B3GAT1: variants seen among roughly 807,000 people sequenced by gnomAD.
The protein encoded by B3GAT1 is beta-1,3-glucuronyltransferase 1.
Under a neutral mutation model 28.4 loss-of-function variants are expected in B3GAT1, and 11 were observed. The observed-to-expected ratio is 0.39, with a 90% CI of 0.24 to 0.64. The LOEUF (loss-of-function observed/expected upper bound fraction) is 0.64, where lower values mean the gene tolerates loss of function less well. Ranked by LOEUF, B3GAT1 falls within the 30% of genes least tolerant of loss-of-function variation. The pLI, the probability that B3GAT1 is intolerant of heterozygous loss-of-function variation, is 0.50. For missense variants in B3GAT1, 375 were observed against 491.0 expected (o/e 0.76, Z 2.23); for synonymous variants, 255 against 223.1 (o/e 1.14, Z -1.27).
rs1454310234 is a variant in B3GAT1, at chr11:134,387,190, ACTCCCACTCCCTCCACTTCCCAC to A, written c.112+335_112+357del. The A allele has an allele frequency of 4.5e-5, 11 of 242,128 alleles. No homozygotes were observed. In the South Asian group the frequency reaches 6.1e-4, roughly 13 times the overall value. The allele number at this position is 242,128 out of a possible 1,614,324, so 15.0% of individuals were successfully genotyped here. A position where few individuals can be genotyped will look rare whatever the true frequency, so the allele number is the denominator to read the frequency against. ...CCTTCCTACCAAAACCACACTAAAG[ACTCCCACTCCCTCCACTTCCCAC>A]CTCCCCCTCCCTTCACTTCCCACCT... is the stretch of plus-strand genomic sequence containing the variant. On this transcript the variant is annotated intron_variant, in intron 2 of 5. Transcript: ENST00000312527.
Position 134,411,310 on chromosome 11 carries a change from C to A in B3GAT1, c.-282+497G>T, listed in dbSNP as rs1263417971. ...AGGGCCCTTTGCCACCCTTGCTACC[C>A]CTGGGTCCCTCAGCGCGCCCCGCAG... is the stretch of plus-strand genomic sequence containing the variant. On this transcript the variant is annotated intron_variant, in intron 1 of 5. Transcript: ENST00000312527. This position sits in a 1 kb window ranked among gnomAD's most constrained non-coding sequence, Gnocchi z 6.0. Among the ~76,000 whole-genome samples the A allele has an allele frequency of 6.6e-6, 1 of 152,152 alleles. No homozygotes were observed. The highest frequency in any genetic ancestry group is 2.4e-5 in the African/African-American group (1 of 41,420).
In B3GAT1 at chr11:134,387,749, G is replaced by C. The variant is rs1944322736; in HGVS notation, c.-90C>G. The stretch of plus-strand genomic sequence containing the variant: ...GGCCACGGGCGGCGGCAGCACAGGG[G>C]AGAAAAGAACAGGCATGGGCCGGGC... On this transcript the variant is annotated 5_prime_UTR_variant, in exon 2 of 6. Transcript: ENST00000312527. The C allele has an allele frequency of 6.3e-7, 1 of 1,576,324 alleles. No homozygotes were observed. The highest frequency in any genetic ancestry group is 1.8e-5 in the Admixed American group (1 of 54,072).
At chr11:134,397,104 C>G (rs577089613) in intron 1 of B3GAT1, among the ~76,000 whole-genome samples, 1 of 152,314 alleles carries the variant, frequency 6.6e-6, no homozygotes, top group South Asian at 2.1e-4. Context: ...CTTGACTCCA[C>G]CTTCTCCCTG....
intron 1 of B3GAT1, among the ~76,000 whole-genome samples, chr11:134,404,023 A>ATTTATTTATTTATT (rs1263193507): frequency 1.3e-4 from 15 of 112,440 alleles, no homozygotes; most frequent in South Asian, 3.1e-4. Flanking sequence ...ATATATATAT[A>ATTTATTTATTTATT]TATATATTTA....
At chr11:134,387,501 C>T (rs1267180593) in intron 2 of B3GAT1, 47 bp downstream of exon 2, 2 of 1,606,024 alleles carry the variant, frequency 1.2e-6, no homozygotes, top group Non-Finnish European at 1.7e-6. Context: ...TGGTCACTGT[C>T]ACTACCAAGG....
chr11:134,382,774 C>G lies in B3GAT1; in HGVS notation c.854G>C (p.Ser285Thr). The G allele has an allele frequency of 6.8e-6, 11 of 1,614,184 alleles. No individual in the cohort carries two copies. The highest frequency in any genetic ancestry group is 8.5e-6 in the Non-Finnish European group (10 of 1,180,018). The change falls in exon 4 of 6, where the codon AGC (serine) becomes ACC (threonine). Residue 285 changes from serine to threonine, a missense_variant. By Grantham distance (58) the Ser-to-Thr change is moderately conservative. Coordinates refer to ENST00000312527, the MANE Select transcript of B3GAT1 (RefSeq NM_054025.3). ...LRGVKGGYQE[S>T]SLLRELVTLN... The stretch of plus-strand genomic sequence containing the variant: ...GGTGACAAGTTCTCGAAGGAGGCTG[C>G]TTTCCTGGTAGCCTCCCTTCACACC...
chr11:134,408,967 C>T (rs541289166), intron 1 of B3GAT1, among the ~76,000 whole-genome samples: 9 of 152,126 alleles, frequency 5.9e-5, no homozygotes, highest in Admixed American at 3.9e-4. Context: ...CAGCCTGCAC[C>T]GATTCCAGTG....
chr11:134,401,891 C>T (rs986225237), intron 1 of B3GAT1, among the ~76,000 whole-genome samples: 9 of 145,142 alleles, frequency 6.2e-5, no homozygotes, highest in Admixed American at 4.3e-4. Flanking sequence ...CTCCCCAGCA[C>T]GAGGCGGTGC....
intron 1 of B3GAT1, chr11:134,392,325 T>C (rs1944427633): frequency 6.6e-6 from 1 of 152,058 alleles, no homozygotes; most frequent in Admixed American, 6.5e-5. Context: ...AGTATGCCTA[T>C]GGAGATCGGC....
Position 134,412,180 on chromosome 11 carries a change from G to A in B3GAT1, c.-655C>T, listed in dbSNP as rs1327154857. Among the ~76,000 whole-genome samples, 1 of 144,746 alleles carries A rather than the reference G, an allele frequency of 6.9e-6. No homozygotes were observed. Among genetic ancestry groups the A allele is most frequent in the Non-Finnish European group, 1.5e-5 (1 of 65,250 alleles). The allele number at this position is 144,746 out of a possible 152,430, so 95.0% of individuals were successfully genotyped here. ...GAGGGGGGCGCGCGGCCGGAGCCGA[G>A]CCGACCGGGCCGGCGCAGAGTCCCC... On this transcript the variant is annotated 5_prime_UTR_variant, in exon 1 of 6. Coordinates refer to ENST00000312527, the MANE Select transcript of B3GAT1 (RefSeq NM_054025.3).
chr11:134,403,983 T>TCA (rs1555098425), intron 1 of B3GAT1, among the ~76,000 whole-genome samples: 1 of 40,678 alleles, frequency 2.5e-5, no homozygotes, highest in Non-Finnish European at 4.0e-5. Flanking sequence ...GTTTCTTTCT[T>TCA]TATATATATA....
Position 134,412,083 on chromosome 11 carries a change from A to G in B3GAT1, c.-558T>C, listed in dbSNP as rs1452203215. ...CGCGGGAGGGAGGGCGCGGGCAGGG[A>G]GGCGGGGGGCGGGGGGCGGGGAGGG... On this transcript the variant is annotated 5_prime_UTR_variant, in exon 1 of 6. Transcript: ENST00000312527. Among the ~76,000 whole-genome samples, 1 of 19,160 alleles carries G rather than the reference A, an allele frequency of 5.2e-5. No individual in the cohort carries two copies. The highest frequency in any genetic ancestry group is 4.3e-3 in the East Asian group (1 of 230). 12.6% of individuals were successfully genotyped at this position (19,160 alleles called of 152,430 possible).
intron 4 of B3GAT1, 45 bp downstream of exon 4, chr11:134,382,665 C>T (rs1944161325): frequency 1.3e-6 from 2 of 1,586,374 alleles, no homozygotes; most frequent in East Asian, 2.2e-5. Flanking sequence ...TCTGGATGTA[C>T]TTGAGACATT....
At position 134,406,556 on chromosome 11, in the gene B3GAT1, C is replaced by T. The variant is rs1024349196; in HGVS notation, c.-282+5251G>A. On this transcript the variant is annotated intron_variant, in intron 1 of 5. Coordinates refer to ENST00000312527, the MANE Select transcript of B3GAT1 (RefSeq NM_054025.3). ...GTTGATTGGGTGGGTGGGGGGGCGG[C>T]CTGGCAGAGTGGGCTTTTCAATAAG... Among the ~76,000 whole-genome samples the T allele has an allele frequency of 2.6e-4, 39 of 151,690 alleles. 1 individual carries two copies. Among genetic ancestry groups the T allele is most frequent in the Non-Finnish European group, 4.9e-4 (33 of 67,908 alleles).
At position 134,378,515 on chromosome 11, in the gene B3GAT1, A is replaced by C. The variant is rs1413874108; in HGVS notation, c.*2247T>G. ...AGGGCTGAAGAGGATTAGGACTGTT[A>C]AAAACTGTATTTGACTTTTAATTTT... On this transcript the variant is annotated 3_prime_UTR_variant, in exon 6 of 6. Transcript: ENST00000312527. 6.6e-6 allele frequency: 1 copy of C among 152,246 alleles called. No homozygotes were observed. Among genetic ancestry groups the C allele is most frequent in the African/African-American group, 2.4e-5 (1 of 41,466 alleles). 9.4% of individuals were successfully genotyped at this position (152,246 alleles called of 1,614,324 possible).
intron 2 of B3GAT1, chr11:134,385,999 A>T (rs1351431843): frequency 6.6e-6 from 1 of 152,200 alleles, no homozygotes; most frequent in Non-Finnish European, 1.5e-5. Flanking sequence ...CGCTTTATAT[A>T]TAGTAGTTTT....
intron 1 of B3GAT1, among the ~76,000 whole-genome samples, chr11:134,410,902 G>A (rs1295941318): frequency 6.6e-6 from 1 of 152,264 alleles, no homozygotes; most frequent in Non-Finnish European, 1.5e-5. Flanking sequence ...AGGTGCCCAT[G>A]CACTGGGCTA....
chr11:134,396,445 G>A (rs1944506795), intron 1 of B3GAT1, among the ~76,000 whole-genome samples: 1 of 152,166 alleles, frequency 6.6e-6, no homozygotes, highest in South Asian at 2.1e-4. Flanking sequence ...CATGCATGGA[G>A]GGGCCCTGCG....
rs1389064523 is a variant in B3GAT1 at position 134,393,913 on chromosome 11, C to T, written c.-281-5973G>A. Reference sequence around the variant, plus strand: ...GGACAGGCTTTGTCCCACAGATCTCCAGGTGCCCCTAATGGGATCAGCGGA... The same window carrying T: ...GGACAGGCTTTGTCCCACAGATCTCTAGGTGCCCCTAATGGGATCAGCGGA... On this transcript the variant is annotated intron_variant, in intron 1 of 5. Transcript: ENST00000312527. The surrounding 1 kb of genome is among the most constrained non-coding windows in gnomAD (Gnocchi z 4.0). Among the ~76,000 whole-genome samples the T allele has an allele frequency of 6.6e-6, 1 of 152,198 alleles. No homozygotes were observed. Among genetic ancestry groups the T allele is most frequent in the Non-Finnish European group, 1.5e-5 (1 of 68,030 alleles).
Sources: allele counts gnomAD v4.1 joint callset (sites outside exome capture counted in the v4.1 genomes callset), GRCh38; gene constraint gnomAD v4.1.1; non-coding constraint Gnocchi (gnomAD v3.1); transcripts MANE v1.5; gene names NCBI Gene and HGNC (gene_info 2026-07-23, HGNC 2026-07-21).